LRGUK: variants seen among roughly 807,000 people sequenced by gnomAD.
LRGUK encodes leucine-rich repeat and guanylate kinase domain-containing protein.
LRGUK carries 65 observed loss-of-function variants against 76.0 expected under a neutral mutation model. That is an observed-to-expected ratio of 0.85 (90% CI 0.70 to 1.05). LRGUK has a LOEUF of 1.05. LRGUK is among the 50% of genes least tolerant of loss of function. The pLI is 0.00. For missense variants in LRGUK, 758 were observed against 732.8 expected (o/e 1.03, Z -0.40); for synonymous variants, 268 against 265.6 (o/e 1.01, Z -0.09).
intron 17 of LRGUK, among the ~76,000 whole-genome samples, 199 bp downstream of exon 17, chr7:134,247,843 T>C (rs551595017): frequency 5.9e-5 from 9 of 152,336 alleles, no homozygotes; most frequent in African/African-American, 2.2e-4. Context: ...TCATAGCTAC[T>C]AGAAACTGAT....
chr7:134,237,319 C>T (rs1325431482), intron 16 of LRGUK, among the ~76,000 whole-genome samples: 1 of 152,132 alleles, frequency 6.6e-6, no homozygotes, highest in Non-Finnish European at 1.5e-5. Flanking sequence ...TCCCAAAGTG[C>T]TGGGATTACA....
intron 8 of LRGUK, 29 bp downstream of exon 8, chr7:134,174,665 G>A: frequency 2.3e-6 from 3 of 1,304,840 alleles, no homozygotes; most frequent in South Asian, 1.2e-5. Context: ...CAGGGAGGGA[G>A]ACAGAGAAGA....
intron 1 of LRGUK, among the ~76,000 whole-genome samples, chr7:134,136,223 C>G (rs1051038485): frequency 6.6e-6 from 1 of 152,128 alleles, no homozygotes; most frequent in Non-Finnish European, 1.5e-5. Context: ...CCTGTTATCT[C>G]TTTTGTCTGT....
At chr7:134,130,563 A>G (rs1203899782) in intron 1 of LRGUK, among the ~76,000 whole-genome samples, 3 of 152,234 alleles carry the variant, frequency 2.0e-5, no homozygotes, top group Non-Finnish European at 4.4e-5. Context: ...CACACATATT[A>G]ATATGCTAAA....
chr7:134,262,335 C>G (rs545509594), intron 19 of LRGUK, among the ~76,000 whole-genome samples: 1 of 152,310 alleles, frequency 6.6e-6, no homozygotes, highest in Non-Finnish European at 1.5e-5. Context: ...GATTGTGCCA[C>G]TGCACTCCAG....
At position 134,176,921 on chromosome 7, in the gene LRGUK, C is replaced by A. The variant is rs558708660; in HGVS notation, c.1021-56C>A. On this transcript the variant is annotated intron_variant, in intron 8 of 15. Transcript: ENST00000645682. The stretch of plus-strand genomic sequence containing the variant: ...AGCTCATGAAAACCCAATGCTGGTG[C>A]TTGTTGATTTGGGAAAAGGAAGGCA... The A allele has an allele frequency of 8.8e-6, 9 of 1,024,736 alleles. No individual in the cohort carries two copies. In the South Asian group the frequency reaches 1.3e-4, roughly 15 times the overall value. The allele number at this position is 1,024,736 out of a possible 1,614,324, so 63.5% of individuals were successfully genotyped here. A position where few individuals can be genotyped will look rare whatever the true frequency, so the allele number is the denominator to read the frequency against.
chr7:134,221,921 A>G lies in LRGUK; in HGVS notation c.1983+3A>G, dbSNP rs1262693446. The G allele has an allele frequency of 1.9e-6, 3 of 1,589,618 alleles. No homozygotes were observed. Among genetic ancestry groups the G allele is most frequent in the Non-Finnish European group, 1.7e-6 (2 of 1,170,898 alleles). Reference sequence around the variant, plus strand: ...TTTCAGCCAAAAAAACACCAGCGGTAAGAGAGGAATAGAAGGGGTGAAGCC... The same window carrying G: ...TTTCAGCCAAAAAAACACCAGCGGTGAGAGAGGAATAGAAGGGGTGAAGCC... On this transcript the variant is annotated splice_donor_region_variant and intron_variant, in intron 16 of 19. Transcript: ENST00000285928.
chr7:134,147,434 C>CA (rs11431531), intron 4 of LRGUK, among the ~76,000 whole-genome samples: 34,607 of 101,560 alleles, frequency 0.34, 5,194 homozygotes, highest in South Asian at 0.44. Context: ...GACTCCACCT[C>CA]AAAAAAAAAA....
At chr7:134,191,907 T>A (rs1056017258) in intron 12 of LRGUK, among the ~76,000 whole-genome samples, 156 bp downstream of exon 12, 4 of 151,900 alleles carry the variant, frequency 2.6e-5, no homozygotes, top group Non-Finnish European at 5.9e-5. Context: ...CTTAAAGTGC[T>A]TAATACGTCA....
chr7:134,257,340 G>C (rs573827135), intron 18 of LRGUK, among the ~76,000 whole-genome samples: 1 of 152,300 alleles, frequency 6.6e-6, no homozygotes, highest in East Asian at 1.9e-4. Context: ...TGTAAACAAG[G>C]TTCAGCTGCT....
intron 3 of LRGUK, among the ~76,000 whole-genome samples, chr7:134,142,049 G>A (rs1355649044): frequency 6.6e-6 from 1 of 152,126 alleles, no homozygotes; most frequent in African/African-American, 2.4e-5. Context: ...ACTCCAGGCT[G>A]GCTTCCTTCC....
intron 16 of LRGUK, among the ~76,000 whole-genome samples, chr7:134,238,214 A>G (rs2117187391): frequency 6.6e-6 from 1 of 152,222 alleles, no homozygotes; most frequent in South Asian, 2.1e-4. Flanking sequence ...ATTCTTTACT[A>G]GATACAAGAG....
intron 7 of LRGUK, among the ~76,000 whole-genome samples, chr7:134,167,919 C>A (rs1201138035): frequency 6.6e-6 from 1 of 152,128 alleles, no homozygotes; most frequent in Non-Finnish European, 1.5e-5. Flanking sequence ...TTACTGTTAC[C>A]TGGGGTTATG....
intron 16 of LRGUK, among the ~76,000 whole-genome samples, chr7:134,235,064 G>T (rs965299842): frequency 2.0e-5 from 3 of 152,124 alleles, no homozygotes; most frequent in Non-Finnish European, 2.9e-5. Flanking sequence ...CTCTTAAGTG[G>T]TCTCTTTGGT....
chr7:134,195,649 A>G (rs997462886), intron 12 of LRGUK, among the ~76,000 whole-genome samples: 1 of 152,148 alleles, frequency 6.6e-6, no homozygotes, highest in African/African-American at 2.4e-5. Context: ...CACCCCAAAC[A>G]TCTTCCAAGT....
chr7:134,178,689 T>C, intron 10 of LRGUK, 80 bp downstream of exon 10: 2 of 1,037,600 alleles, frequency 1.9e-6, no homozygotes, highest in Non-Finnish European at 2.8e-6. Flanking sequence ...AACCCCTATT[T>C]TGTGACCCCT....
At chr7:134,240,139 C>T (rs1359621891) in intron 16 of LRGUK, among the ~76,000 whole-genome samples, 1 of 152,204 alleles carries the variant, frequency 6.6e-6, no homozygotes, top group African/African-American at 2.4e-5. Flanking sequence ...AAAATCAGAG[C>T]ACCTTTTCTC....
At chr7:134,236,886 T>C (rs957465810) in intron 16 of LRGUK, among the ~76,000 whole-genome samples, 3 of 152,210 alleles carry the variant, frequency 2.0e-5, no homozygotes, top group African/African-American at 7.2e-5. Flanking sequence ...TATTAGCTGT[T>C]GTTCAATACC....
chr7:134,195,007 A>G (rs995172489), intron 12 of LRGUK, among the ~76,000 whole-genome samples: 1 of 152,152 alleles, frequency 6.6e-6, no homozygotes. Context: ...AGGACAACTT[A>G]GTGGGTGGGG....
Sources: gnomAD v4.1 joint callset for allele counts (sites outside exome capture counted in the v4.1 genomes callset) on GRCh38, gnomAD v4.1.1 for gene constraint, MANE v1.5 for transcripts, NCBI Gene and HGNC (gene_info 2026-07-23, HGNC 2026-07-21) for gene names.